CEACAM18: variants seen among roughly 807,000 people sequenced by gnomAD.
CEACAM18 encodes CEA cell adhesion molecule 18.
CEACAM18 carries 33 observed loss-of-function variants against 34.3 expected under a neutral mutation model. The ratio of observed to expected loss-of-function variants is 0.96; its 90% confidence interval spans 0.73 to 1.29. The LOEUF (loss-of-function observed/expected upper bound fraction) is 1.29, where lower values mean the gene tolerates loss of function less well. CEACAM18 is among the 50% of genes most tolerant of loss of function. The probability of loss-of-function intolerance (pLI) is 0.00; values close to 1 mark genes in which losing one functional copy is unlikely to be tolerated. For synonymous variants in CEACAM18, 169 were observed against 180.9 expected (o/e 0.93, Z 0.53); for missense variants, 474 against 485.0 (o/e 0.98, Z 0.21).
intron 5 of CEACAM18, among the ~76,000 whole-genome samples, chr19:51,485,633 A>C (rs1203372640): frequency 6.6e-6 from 1 of 152,200 alleles, no homozygotes; most frequent in African/African-American, 2.4e-5. Context: ...CAGCTGAAGA[A>C]TGAACGGAGC....
chr19:51,483,546 C>T (rs1347250931), intron 4 of CEACAM18, among the ~76,000 whole-genome samples: 1 of 151,948 alleles, frequency 6.6e-6, no homozygotes, highest in East Asian at 1.9e-4. Context: ...TGAGCACTTA[C>T]TATGTGCCCG....
chr19:51,481,723 A>T, intron 3 of CEACAM18, 58 bp downstream of exon 3: 1 of 1,545,664 alleles, frequency 6.5e-7, no homozygotes, highest in South Asian at 1.2e-5. Flanking sequence ...CTTTCTAGGG[A>T]TAGGAATATG....
chr19:51,483,063 C>T (rs750841889), exon 4 of CEACAM18: 50 of 1,613,996 alleles, frequency 3.1e-5, no homozygotes, highest in Middle Eastern at 1.6e-4. Context: ...ATGATTTCAA[C>T]GGCATTGTGA....
exon 2 of CEACAM18, chr19:51,480,598 A>C (rs1193096178): frequency 1.9e-6 from 3 of 1,613,912 alleles, no homozygotes; most frequent in Admixed American, 3.3e-5. Flanking sequence ...GGCCGACTGC[A>C]TTAAATGACA....
intron 5 of CEACAM18, 133 bp downstream of exon 5, chr19:51,485,255 C>G (rs1989980028): frequency 1.1e-6 from 1 of 894,112 alleles, no homozygotes; most frequent in Admixed American, 3.1e-5. Context: ...CAGGGATCAT[C>G]TGGGGCAGAC....
chr19:51,483,437 T>A, intron 4 of CEACAM18, 141 bp downstream of exon 4: 3 of 1,049,666 alleles, frequency 2.9e-6, no homozygotes, highest in African/African-American at 1.6e-5. Flanking sequence ...CCCAGTTCTC[T>A]GAGGTCTGGG....
At chr19:51,481,663 C>T (rs953956701) in exon 3 of CEACAM18, 6 of 1,609,488 alleles carry the variant, frequency 3.7e-6, no homozygotes, top group Non-Finnish European at 5.1e-6. Context: ...CTGACTGTGG[C>T]CTGTGAGTGG....
At chr19:51,478,758 C>T (rs555831418) in intron 1 of CEACAM18, 64 bp downstream of exon 1, 16 of 1,207,312 alleles carry the variant, frequency 1.3e-5, no homozygotes, top group East Asian at 3.0e-5. Flanking sequence ...AGGAGCAAAG[C>T]GGCGGGGAGG....
exon 4 of CEACAM18, chr19:51,483,085 G>A (rs770488716): frequency 9.9e-6 from 16 of 1,613,882 alleles, no homozygotes; most frequent in South Asian, 6.6e-5. Flanking sequence ...AGCTGAGATC[G>A]GCTCCCAAGT....
intron 4 of CEACAM18, among the ~76,000 whole-genome samples, chr19:51,483,616 A>C (rs1989955369): frequency 6.6e-6 from 1 of 152,168 alleles, no homozygotes; most frequent in South Asian, 2.1e-4. Context: ...TGCGATTGGC[A>C]TCACCTCCAT....
exon 2 of CEACAM18, chr19:51,480,498 T>G: frequency 6.2e-7 from 1 of 1,613,906 alleles, no homozygotes; most frequent in Non-Finnish European, 8.5e-7. Flanking sequence ...GGAAACATGA[T>G]TATCAGCCAC....
chr19:51,490,693 C>A, exon 6 of CEACAM18: 1 of 1,128,992 alleles, frequency 8.9e-7, no homozygotes, highest in Non-Finnish European at 1.1e-6. Flanking sequence ...CCCATAGGGC[C>A]AGCGAGGCTG....
At chr19:51,483,506 C>T in intron 4 of CEACAM18, 2 of 621,230 alleles carry the variant, frequency 3.2e-6, no homozygotes, top group Non-Finnish European at 5.6e-6. Flanking sequence ...CAGGGTGACT[C>T]CCAGGGGGAT....
At position 51,479,015 on chromosome 19, in the gene CEACAM18, G is replaced by A. The variant is rs138224980; in HGVS notation, c.52+321G>A. On this transcript the variant is annotated intron_variant, in intron 1 of 5. Transcript: ENST00000396477. The stretch of plus-strand genomic sequence containing the variant: ...AGAGAGAAACTGTGTTTCTATCTAC[G>A]CCCAGGAATCAGGAGCTTGGACCTT... 9.9e-5 allele frequency among the ~76,000 whole-genome samples: 15 copies of A among 151,348 alleles called. No individual in the cohort carries two copies. In the East Asian group the frequency reaches 1.9e-3, roughly 20 times the overall value.
chr19:51,485,443 G>A (rs1281301151), intron 5 of CEACAM18, among the ~76,000 whole-genome samples: 1 of 152,174 alleles, frequency 6.6e-6, no homozygotes. Context: ...GTCAATTCCT[G>A]GTACATAGTC....
intron 1 of CEACAM18, among the ~76,000 whole-genome samples, chr19:51,479,809 C>T (rs1302956950): frequency 6.6e-6 from 1 of 152,098 alleles, no homozygotes; most frequent in Non-Finnish European, 1.5e-5. Flanking sequence ...TATGTAGAGG[C>T]CTGGGGCATA....
At chr19:51,490,259 A>G (rs1305912597) in intron 5 of CEACAM18, among the ~76,000 whole-genome samples, 1 of 152,182 alleles carries the variant, frequency 6.6e-6, no homozygotes, top group East Asian at 1.9e-4. Flanking sequence ...TATGAAGTAA[A>G]TTACTGTTAT....
intron 1 of CEACAM18, among the ~76,000 whole-genome samples, chr19:51,479,585 G>A (rs1356582741): frequency 6.6e-6 from 1 of 152,158 alleles, no homozygotes; most frequent in Non-Finnish European, 1.5e-5. Flanking sequence ...TGGCTGGGAT[G>A]GGGGGAGCCC....
intron 5 of CEACAM18, among the ~76,000 whole-genome samples, chr19:51,489,752 T>C (rs1990059758): frequency 6.6e-6 from 1 of 152,210 alleles, no homozygotes; most frequent in African/African-American, 2.4e-5. Context: ...CCTATGGGGA[T>C]AAAGTAAGCT....
Sources: allele counts gnomAD v4.1 joint callset (sites outside exome capture counted in the v4.1 genomes callset), GRCh38; gene constraint gnomAD v4.1.1; transcripts MANE v1.5; gene names NCBI Gene and HGNC (gene_info 2026-07-23, HGNC 2026-07-21).